The following USP7 variants were observed in gnomAD, a reference collection of about 807,000 sequenced individuals.
USP7 encodes the protein ubiquitin C-terminal hydrolase 7.
Under a neutral mutation model 162.9 loss-of-function variants are expected in USP7, and 9 were observed. That is an observed-to-expected ratio of 0.06 (90% CI 0.03 to 0.10). USP7 has a LOEUF of 0.10. USP7 is among the 10% of genes least tolerant of loss of function. USP7 has a pLI of 1.00. For missense variants in USP7, 715 were observed against 1,373.7 expected (o/e 0.52, Z 7.58); for synonymous variants, 562 against 475.9 (o/e 1.18, Z -2.35).
Position 8,963,235 on chromosome 16 carries a change from C to G in USP7, c.51G>C (p.Leu17Phe). The G allele has an allele frequency of 7.1e-7, 1 of 1,404,442 alleles. No homozygotes were observed. Among genetic ancestry groups the G allele is most frequent in the Non-Finnish European group, 9.4e-7 (1 of 1,069,094 alleles). 87.0% of individuals were successfully genotyped at this position (1,404,442 alleles called of 1,614,324 possible). A position where few individuals can be genotyped will look rare whatever the true frequency, so the allele number is the denominator to read the frequency against. Residue 17 changes from leucine (L) to phenylalanine (F), a missense_variant, in exon 1 of 31, where the codon TTG (leucine) becomes TTC (phenylalanine). By Grantham distance (22) the Leu-to-Phe change is conservative. Transcript: ENST00000344836. ...CCATCTCCATGTCCTCGGGCTCGCT[C>G]AACTGCTGCTCGCCCGCTTTCTGCT... Reference protein sequence around the residue: ...QQQQKAGEQQLSEPEDMEMEA... With the variant: ...QQQQKAGEQQFSEPEDMEMEA...
Position 8,921,199 on chromosome 16 carries a change from A to G in USP7, c.480T>C (p.His160=). 10 of 1,614,052 alleles carry G rather than the reference A, an allele frequency of 6.2e-6. No homozygotes were observed. The highest frequency in any genetic ancestry group is 8.5e-6 in the Non-Finnish European group (10 of 1,180,002). ...TGGAAAATCCCCAATCATTTTCTTT[A>G]TGGAAGAACAAATGACTAATACGAC... ...FSRRISHLFF[H]KENDWGFSNF... Residue 160 remains histidine, a synonymous_variant, in exon 4 of 31, where the codon CAT becomes CAC. Coordinates refer to ENST00000344836, the MANE Select transcript of USP7 (RefSeq NM_003470.3).
chr16:8,903,245 A>G lies in USP7; in HGVS notation c.1839+23T>C, dbSNP rs111450753. 1,479 of 1,599,582 alleles carry G rather than the reference A, an allele frequency of 9.2e-4. 18 individuals carry two copies. The African/African-American group carries it at 0.017, about 18-fold the overall frequency. On this transcript the variant is annotated intron_variant, in intron 16 of 30. Transcript: ENST00000344836. ...TGGACGTTGGGAGCCACGGTGGGGT[A>G]TATCCACGGGACCGGTACGCACCAT...
chr16:8,902,791 G>A (rs975338286), intron 16 of USP7, among the ~76,000 whole-genome samples: 1 of 152,104 alleles, frequency 6.6e-6, no homozygotes, highest in East Asian at 1.9e-4. Context: ...GGGAGGCTGA[G>A]GCAGGAGAAT....
intron 2 of USP7, among the ~76,000 whole-genome samples, chr16:8,925,675 C>G (rs1897947310): frequency 6.6e-6 from 1 of 152,202 alleles, no homozygotes; most frequent in Admixed American, 6.5e-5. Context: ...GAGTGTGGCA[C>G]TGCCCTGACA....
chr16:8,893,925 C>T lies in USP7; in HGVS notation c.*73G>A. On this transcript the variant is annotated 3_prime_UTR_variant, in exon 31 of 31. Coordinates refer to ENST00000344836, the MANE Select transcript of USP7 (RefSeq NM_003470.3). Reference sequence around the variant, plus strand: ...TGCTGAAGACTTCGGCTAGAGGGCACGTGCACCAAAGTTCTAGGCTGTTAA... The same window carrying T: ...TGCTGAAGACTTCGGCTAGAGGGCATGTGCACCAAAGTTCTAGGCTGTTAA... 6 of 1,344,248 alleles carry T rather than the reference C, an allele frequency of 4.5e-6. No homozygotes were observed. Among genetic ancestry groups the T allele is most frequent in the South Asian group, 1.2e-5 (1 of 85,310 alleles). 83.3% of individuals were successfully genotyped at this position (1,344,248 alleles called of 1,614,324 possible). A position where few individuals can be genotyped will look rare whatever the true frequency, so the allele number is the denominator to read the frequency against.
chr16:8,908,975 A>AT (rs1192209299), intron 11 of USP7, among the ~76,000 whole-genome samples: 1 of 152,222 alleles, frequency 6.6e-6, no homozygotes, highest in Non-Finnish European at 1.5e-5. Flanking sequence ...AAGAACCCAT[A>AT]TATCACAGGG....
At chr16:8,920,550 CTTT>C (rs112935927) in intron 4 of USP7, 103 bp from the exon 5 acceptor site, 12 of 933,810 alleles carry the variant, frequency 1.3e-5, no homozygotes, top group African/African-American at 1.7e-5. Context: ...GATGAAAATA[CTTT>C]TTTTTTAAAT....
Position 8,908,439 on chromosome 16 carries a change from T to C in USP7, c.1173A>G (p.Lys391=), listed in dbSNP as rs1567215596. Residue 391 remains lysine, a synonymous_variant, in exon 12 of 31, where the codon AAA becomes AAG. Coordinates refer to ENST00000344836, the MANE Select transcript of USP7 (RefSeq NM_003470.3). The stretch of plus-strand genomic sequence containing the variant: ...GTGGCAATGTTAGGAATTTCACACC[T>C]TTCTCTGCTTCCTAAACATTGAAAA... ...AGEHGLQEAE[K]GVKFLTLPPV... is the part of the protein sequence containing the mutation. 1 of 1,611,000 alleles carries C rather than the reference T, an allele frequency of 6.2e-7. No individual in the cohort carries two copies.
At chr16:8,921,726 G>C (rs190415890) in intron 3 of USP7, among the ~76,000 whole-genome samples, 5 of 152,278 alleles carry the variant, frequency 3.3e-5, no homozygotes, top group Admixed American at 3.3e-4. Flanking sequence ...TGTGGCCTTA[G>C]AGCTTGCTGT....
intron 1 of USP7, among the ~76,000 whole-genome samples, chr16:8,944,086 A>T (rs1348916202): frequency 6.6e-6 from 1 of 152,214 alleles, no homozygotes; most frequent in Non-Finnish European, 1.5e-5. Context: ...CTGGGACAAT[A>T]TCCATAATAC....
At chr16:8,903,665 C>T (rs555838834) in intron 15 of USP7, among the ~76,000 whole-genome samples, 9 of 151,954 alleles carry the variant, frequency 5.9e-5, no homozygotes, top group African/African-American at 1.4e-4. Context: ...TCAGGAGTTC[C>T]GAGACCAGCC....
At chr16:8,901,472 T>C (rs1402624719) in intron 18 of USP7, among the ~76,000 whole-genome samples, 1 of 152,220 alleles carries the variant, frequency 6.6e-6, no homozygotes, top group Non-Finnish European at 1.5e-5. Context: ...CCACTACATT[T>C]AGACAGTCAA....
intron 11 of USP7, among the ~76,000 whole-genome samples, chr16:8,908,915 A>C (rs905254556): frequency 5.9e-5 from 9 of 152,260 alleles, no homozygotes; most frequent in African/African-American, 2.2e-4. Context: ...ACAACTGATG[A>C]GTCGGCAGGA....
chr16:8,955,727 C>A (rs1017371475), intron 1 of USP7, among the ~76,000 whole-genome samples: 848 of 83,754 alleles, frequency 0.01, 4 homozygotes, highest in Non-Finnish European at 0.018. Context: ...AAAAAAAAAA[C>A]ATTGCACAGG....
At chr16:8,899,876 C>T in intron 21 of USP7, 119 bp from the exon 22 acceptor site, 3 of 1,283,636 alleles carry the variant, frequency 2.3e-6, no homozygotes, top group Non-Finnish European at 3.4e-6. Flanking sequence ...AAGATAAATT[C>T]AGGTTCCCCT....
intron 1 of USP7, among the ~76,000 whole-genome samples, chr16:8,950,558 T>A (rs1466522127): frequency 6.6e-6 from 1 of 152,208 alleles, no homozygotes; most frequent in Non-Finnish European, 1.5e-5. Flanking sequence ...TCACTTGGGC[T>A]GGGACAGAGC....
intron 1 of USP7, among the ~76,000 whole-genome samples, chr16:8,960,616 T>A (rs1463708196): frequency 6.6e-6 from 1 of 152,310 alleles, no homozygotes; most frequent in Non-Finnish European, 1.5e-5. Flanking sequence ...TTCCAGCTGC[T>A]AGTTCGTTAG....
intron 11 of USP7, among the ~76,000 whole-genome samples, chr16:8,910,249 C>G (rs1473999215): frequency 3.3e-5 from 5 of 152,172 alleles, no homozygotes; most frequent in Non-Finnish European, 7.3e-5. Flanking sequence ...GGCTGGCCAC[C>G]TGGTCGCCCA....
intron 1 of USP7, among the ~76,000 whole-genome samples, chr16:8,950,447 G>A (rs562405934): frequency 6.2e-4 from 95 of 152,290 alleles, no homozygotes; most frequent in Non-Finnish European, 9.1e-4. Flanking sequence ...AGGAAATACT[G>A]ATCATTAAGA....
Sources: gnomAD v4.1 joint callset for allele counts (sites outside exome capture counted in the v4.1 genomes callset) on GRCh38, gnomAD v4.1.1 for gene constraint, MANE v1.5 for transcripts, NCBI Gene and HGNC (gene_info 2026-07-23, HGNC 2026-07-21) for gene names.